The following PDILT variants were observed in gnomAD, a reference collection of about 807,000 sequenced individuals.
PDILT encodes the protein protein disulfide-isomerase-like protein of the testis.
In PDILT, 43 loss-of-function variants were observed where a neutral mutation model predicts 53.7. The observed-to-expected ratio is 0.80, with a 90% CI of 0.63 to 1.03. The LOEUF (loss-of-function observed/expected upper bound fraction) is 1.03, where lower values mean the gene tolerates loss of function less well. Ranked by LOEUF, PDILT falls within the 50% of genes least tolerant of loss-of-function variation. The probability of loss-of-function intolerance (pLI) is 0.00; values close to 1 mark genes in which losing one functional copy is unlikely to be tolerated. For missense variants in PDILT, 727 were observed against 712.3 expected (o/e 1.02, Z -0.24); for synonymous variants, 282 against 274.2 (o/e 1.03, Z -0.28).
rs1488466093 is a variant in PDILT at position 20,359,180 on chromosome 16, T to A, written c.*139A>T. On this transcript the variant is annotated 3_prime_UTR_variant, in exon 12 of 12. Transcript: ENST00000302451. The stretch of plus-strand genomic sequence containing the variant: ...ATGAGTAAAACAGAGCCAAGGACAC[T>A]CAGAGGCTTTATTATCCACCCCTAC... The A allele has an allele frequency of 2.9e-6, 4 of 1,380,472 alleles. No homozygotes were observed. The highest frequency in any genetic ancestry group is 3.9e-6 in the Non-Finnish European group (4 of 1,023,908). 85.5% of individuals were successfully genotyped at this position (1,380,472 alleles called of 1,614,324 possible).
chr16:20,360,664 T>G lies in PDILT; in HGVS notation c.1417-7A>C. The G allele has an allele frequency of 6.2e-7, 1 of 1,603,508 alleles. No homozygotes were observed. Among genetic ancestry groups the G allele is most frequent in the Non-Finnish European group, 8.5e-7 (1 of 1,170,534 alleles). On this transcript the variant is annotated splice_polypyrimidine_tract_variant and splice_region_variant and intron_variant, in intron 10 of 11. Transcript: ENST00000302451. ...CTCCCTTATACAGGACAGCCTAGGA[T>G]GAAAATGGAACAGGGTCAGGATGGG... is the stretch of plus-strand genomic sequence containing the variant.
Position 20,368,755 on chromosome 16 carries a change from C to T in PDILT, c.1116+737G>A, listed in dbSNP as rs141706647. On this transcript the variant is annotated intron_variant, in intron 8 of 11. Transcript: ENST00000302451. The stretch of plus-strand genomic sequence containing the variant: ...AGACTACAGATGCACACCACCACAC[C>T]TGGCTAATTTTTAAATTTTTTGTCA... Among the ~76,000 whole-genome samples, 1,220 of 152,130 alleles carry T rather than the reference C, an allele frequency of 8.0e-3. 14 individuals carry two copies. The highest frequency in any genetic ancestry group is 0.027 in the African/African-American group (1,126 of 41,496).
rs1255914665 is a variant in PDILT at position 20,369,511 on chromosome 16, A to C, written c.1097T>G (p.Phe366Cys). The C allele has an allele frequency of 6.2e-7, 1 of 1,614,138 alleles. No homozygotes were observed. The highest frequency in any genetic ancestry group is 1.1e-5 in the South Asian group (1 of 91,080). The change falls in exon 8 of 12, where the codon TTC (phenylalanine) becomes TGC (cysteine). Residue 366 changes from phenylalanine to cysteine, a missense_variant. Transcript: ENST00000302451. ...YESLKKFGRS[F>C]LSKNATKHQS... Reference sequence around the variant, plus strand: ...ACCTACTGTGGCATTTTTACTCAGGAAGCTGCGGCCAAATTTCTTGAGGCT... The same window carrying C: ...ACCTACTGTGGCATTTTTACTCAGGCAGCTGCGGCCAAATTTCTTGAGGCT...
rs763484471 is a variant in PDILT, at chr16:20,362,438, G to A, written c.1382C>T (p.Pro461Leu). 5.0e-6 allele frequency: 8 copies of A among 1,614,062 alleles called. No individual in the cohort carries two copies. In the South Asian group the frequency reaches 8.8e-5, roughly 18 times the overall value. The change falls in exon 10 of 12, where the codon CCA becomes CTA. Residue 461 changes from proline to leucine, a missense_variant. Pro to Leu is a moderately conservative substitution (Grantham distance 98, BLOSUM62 -3). Coordinates refer to ENST00000302451, the MANE Select transcript of PDILT (RefSeq NM_174924.2). ...GCCGCTGGGGAACAGCCTGAAGAAT[G>A]GGTACCGGTCCAGGTACATCAGCTG... ...DIQLMYLDRY[P>L]FFRLFPSGSQ...
chr16:20,403,538 C>T (rs1465221787), intron 1 of PDILT, among the ~76,000 whole-genome samples: 1 of 152,180 alleles, frequency 6.6e-6, no homozygotes, highest in Admixed American at 6.5e-5. Flanking sequence ...GATCCACCTG[C>T]CTGGGCCTCC....
intron 2 of PDILT, among the ~76,000 whole-genome samples, 195 bp downstream of exon 2, chr16:20,398,904 T>G (rs1422223867): frequency 6.6e-6 from 1 of 152,204 alleles, no homozygotes; most frequent in Non-Finnish European, 1.5e-5. Context: ...CATAATATAT[T>G]GCAATTTGCT....
At chr16:20,399,417 G>A (rs1287179579) in intron 1 of PDILT, 110 bp from the exon 2 acceptor site, 16 of 1,161,246 alleles carry the variant, frequency 1.4e-5, no homozygotes, top group Non-Finnish European at 1.6e-5. Context: ...AATGTGGCCT[G>A]AGCATTGCCT....
intron 3 of PDILT, among the ~76,000 whole-genome samples, chr16:20,381,994 G>T (rs1687037619): frequency 6.6e-6 from 1 of 152,132 alleles, no homozygotes; most frequent in African/African-American, 2.4e-5. Context: ...AAATTCCTGG[G>T]TTCAAGCAAT....
intron 5 of PDILT, among the ~76,000 whole-genome samples, chr16:20,374,600 C>G (rs866176773): frequency 6.6e-6 from 1 of 152,206 alleles, no homozygotes; most frequent in South Asian, 2.1e-4. Flanking sequence ...AGGATTGAGC[C>G]TTGATGAACT....
At chr16:20,392,804 G>T (rs999943734) in intron 2 of PDILT, among the ~76,000 whole-genome samples, 3 of 152,132 alleles carry the variant, frequency 2.0e-5, no homozygotes, top group Non-Finnish European at 4.4e-5. Flanking sequence ...GAAATTGATT[G>T]GTTCCCTCTG....
intron 2 of PDILT, among the ~76,000 whole-genome samples, chr16:20,393,200 C>T (rs1486591860): frequency 3.3e-5 from 5 of 152,138 alleles, no homozygotes; most frequent in Admixed American, 1.3e-4. Flanking sequence ...CAAGTGCTGG[C>T]CTGAATTCTA....
intron 7 of PDILT, among the ~76,000 whole-genome samples, chr16:20,370,570 A>G (rs2141710757): frequency 6.6e-6 from 1 of 152,360 alleles, no homozygotes; most frequent in South Asian, 2.1e-4. Flanking sequence ...TTCTGGGAAT[A>G]GAAAAGAAAA....
chr16:20,371,647 G>T (rs1966307229), intron 7 of PDILT, among the ~76,000 whole-genome samples: 1 of 152,060 alleles, frequency 6.6e-6, no homozygotes, highest in Non-Finnish European at 1.5e-5. Context: ...ATTCACTAGG[G>T]TGACTGAAAC....
intron 1 of PDILT, among the ~76,000 whole-genome samples, chr16:20,402,749 C>A (rs1966759965): frequency 6.6e-6 from 1 of 152,208 alleles, no homozygotes; most frequent in Non-Finnish European, 1.5e-5. Flanking sequence ...TTCTCCCAAT[C>A]TCTCCCACAA....
intron 4 of PDILT, among the ~76,000 whole-genome samples, chr16:20,375,322 T>C (rs1158075646): frequency 6.6e-6 from 1 of 152,210 alleles, no homozygotes; most frequent in Non-Finnish European, 1.5e-5. Flanking sequence ...ATGTCAAGAA[T>C]TTCAGCCTTC....
intron 3 of PDILT, among the ~76,000 whole-genome samples, chr16:20,379,730 A>G (rs1161638662): frequency 6.6e-6 from 1 of 152,218 alleles, no homozygotes; most frequent in Admixed American, 6.5e-5. Context: ...GTTCAACTTT[A>G]GTAGATATAG....
intron 1 of PDILT, 53 bp from the exon 2 acceptor site, chr16:20,399,360 C>T (rs1429707557): frequency 8.3e-6 from 13 of 1,564,908 alleles, no homozygotes; most frequent in Admixed American, 6.7e-5. Flanking sequence ...TGGTGGAGCC[C>T]CACGTCATCA....
intron 1 of PDILT, among the ~76,000 whole-genome samples, chr16:20,399,619 G>A (rs902756513): frequency 1.3e-5 from 2 of 152,144 alleles, no homozygotes; most frequent in African/African-American, 4.8e-5. Context: ...CTTGTGCAAA[G>A]ATAAGGTCCC....
At chr16:20,390,174 C>T (rs1966591147) in intron 2 of PDILT, among the ~76,000 whole-genome samples, 1 of 152,160 alleles carries the variant, frequency 6.6e-6, no homozygotes, top group Non-Finnish European at 1.5e-5. Context: ...CTGATAGGGA[C>T]TTCAGGATTG....
Sources: gnomAD v4.1 joint callset for allele counts (sites outside exome capture counted in the v4.1 genomes callset) on GRCh38, gnomAD v4.1.1 for gene constraint, MANE v1.5 for transcripts, NCBI Gene and HGNC (gene_info 2026-07-23, HGNC 2026-07-21) for gene names.